Variants in PCDHA6 observed in about 807,000 individuals in gnomAD.
The protein encoded by PCDHA6 is protocadherin alpha-6.
PCDHA6 carries 55 observed loss-of-function variants against 60.3 expected under a neutral mutation model. That is an observed-to-expected ratio of 0.91 (90% CI 0.73 to 1.14). The LOEUF (loss-of-function observed/expected upper bound fraction) is 1.14. Ranked by LOEUF, PCDHA6 falls within the 50% of genes most tolerant of loss-of-function variation. The probability of loss-of-function intolerance (pLI) is 0.00; values close to 1 mark genes in which losing one functional copy is unlikely to be tolerated. For synonymous variants in PCDHA6, 652 were observed against 557.9 expected (o/e 1.17, Z -2.38); for missense variants, 1,327 against 1,256.5 (o/e 1.06, Z -0.85).
intron 1 of PCDHA6, among the ~76,000 whole-genome samples, chr5:140,975,301 C>A (rs943526337): frequency 2.3e-4 from 35 of 152,200 alleles, no homozygotes; most frequent in African/African-American, 8.4e-4. Flanking sequence ...TTAAAGAGCT[C>A]ATGTGATTAT....
chr5:140,875,206 A>G (rs1554167551), intron 1 of PCDHA6: 2 of 644,508 alleles, frequency 3.1e-6, no homozygotes, highest in South Asian at 3.9e-5. Context: ...AAGTGGCTAA[A>G]CCGAAAAGAA....
chr5:140,856,837 C>A, intron 1 of PCDHA6: 1 of 1,591,918 alleles, frequency 6.3e-7, no homozygotes, highest in Non-Finnish European at 8.6e-7. Flanking sequence ...TAATACGGCT[C>A]AACGCTTCTG....
intron 3 of PCDHA6, among the ~76,000 whole-genome samples, chr5:140,996,441 C>G (rs2097726719): frequency 6.6e-6 from 1 of 152,146 alleles, no homozygotes; most frequent in Non-Finnish European, 1.5e-5. Context: ...TAGTCAGTGT[C>G]AAGTTGTGGT....
chr5:140,985,928 C>A (rs1001132600), intron 3 of PCDHA6, among the ~76,000 whole-genome samples: 2 of 151,534 alleles, frequency 1.3e-5, no homozygotes, highest in Non-Finnish European at 2.9e-5. Flanking sequence ...TTTAGTAGAG[C>A]CGGGGTTTCA....
At chr5:140,967,057 A>T (rs1554229122) in intron 1 of PCDHA6, 1 of 1,612,704 alleles carries the variant, frequency 6.2e-7, no homozygotes, top group South Asian at 1.1e-5. Context: ...TGACGAGTGG[A>T]GCGCTCTTCG....
rs2150175309 is a variant in PCDHA6, at chr5:140,829,814, G to GGT, written c.1725_1726dup (p.Ala576ValfsTer3). 1 of 1,613,902 alleles carries GGT rather than the reference G, an allele frequency of 6.2e-7. No homozygotes were observed. The highest frequency in any genetic ancestry group is 2.2e-5 in the East Asian group (1 of 44,872). On this transcript the variant is annotated frameshift_variant, in exon 1 of 4. Coordinates refer to ENST00000529310, the MANE Select transcript of PCDHA6 (RefSeq NM_018909.4). LOFTEE classifies it high-confidence loss of function. Reference sequence around the variant, plus strand: ...GGCGCCTCGGGTGGGTGGTACTGGTGGTGCAGTGAGCGAGCTGGTGCCGCG... The same window carrying GGT: ...GGCGCCTCGGGTGGGTGGTACTGGTGGTGTGCAGTGAGCGAGCTGGTGCCGCG...
intron 1 of PCDHA6, chr5:140,881,444 A>C (rs2058716592): frequency 1.2e-6 from 1 of 800,270 alleles, no homozygotes; most frequent in African/African-American, 1.9e-5. Context: ...ATAAAAACAG[A>C]ATCCAAAACC....
At chr5:140,845,107 C>T (rs1420580197) in intron 1 of PCDHA6, among the ~76,000 whole-genome samples, 2 of 149,448 alleles carry the variant, frequency 1.3e-5, no homozygotes, top group East Asian at 1.9e-4. Flanking sequence ...CTCTTAATGC[C>T]TGTCCATGTT....
chr5:140,956,540 G>A (rs1356910892), intron 1 of PCDHA6, among the ~76,000 whole-genome samples: 1 of 152,186 alleles, frequency 6.6e-6, no homozygotes, highest in Non-Finnish European at 1.5e-5. Context: ...TGTGCTGCTG[G>A]ATTTGGTTTG....
At chr5:140,927,123 C>T (rs2083865957) in intron 1 of PCDHA6, 1 of 1,613,986 alleles carries the variant, frequency 6.2e-7, no homozygotes, top group Non-Finnish European at 8.5e-7. Context: ...ATTTGGTGGT[C>T]AGAGAGCCGG....
Position 140,858,496 on chromosome 5 carries a change from C to T in PCDHA6, c.2394+28011C>T, listed in dbSNP as rs1554151697. 7 of 1,479,962 alleles carry T rather than the reference C, an allele frequency of 4.7e-6. 1 individual carries two copies. 91.7% of individuals were successfully genotyped at this position (1,479,962 alleles called of 1,614,324 possible). ...TTATGAATAATATTTTCTCTTACCG[C>T]ATTTTCTCAAATATGTATCAGAATA... is the stretch of plus-strand genomic sequence containing the variant. On this transcript the variant is annotated intron_variant, in intron 1 of 3. Transcript: ENST00000529310.
At chr5:140,878,371 G>A (rs543191231) in intron 1 of PCDHA6, among the ~76,000 whole-genome samples, 53 of 152,276 alleles carry the variant, frequency 3.5e-4, no homozygotes, top group Non-Finnish European at 6.5e-4. Flanking sequence ...TCTGACATAT[G>A]ATGAATGATT....
intron 1 of PCDHA6, among the ~76,000 whole-genome samples, chr5:140,977,004 A>C (rs1554238156): frequency 6.6e-6 from 1 of 152,222 alleles, no homozygotes; most frequent in East Asian, 1.9e-4. Flanking sequence ...GAAATCTTGT[A>C]ACTGTGATTC....
At chr5:140,851,037 T>C (rs1393971342) in intron 1 of PCDHA6, 4 of 1,398,626 alleles carry the variant, frequency 2.9e-6, no homozygotes, top group Non-Finnish European at 3.8e-6. Flanking sequence ...CCCTTAACAT[T>C]GGAGCCGACT....
chr5:140,884,589 C>T, intron 1 of PCDHA6: 1 of 1,614,146 alleles, frequency 6.2e-7, no homozygotes, highest in Non-Finnish European at 8.5e-7. Flanking sequence ...GCCTTCAGTC[C>T]CAGCCTTCCT....
chr5:140,959,301 G>A (rs139206577), intron 1 of PCDHA6, among the ~76,000 whole-genome samples: 161 of 152,140 alleles, frequency 1.1e-3, no homozygotes, highest in Non-Finnish European at 1.1e-3. Context: ...CACTGAGCCC[G>A]GTGGTTGAAG....
intron 1 of PCDHA6, chr5:140,883,056 A>G (rs1554176597): frequency 6.2e-7 from 1 of 1,614,176 alleles, no homozygotes; most frequent in Admixed American, 1.7e-5. Context: ...TTAGTGATCA[A>G]GCTAAATGCC....
intron 1 of PCDHA6, chr5:140,926,849 C>A: frequency 6.6e-7 from 1 of 1,517,430 alleles, no homozygotes. Flanking sequence ...CCTGGGTCAC[C>A]GTTGGTGTAG....
intron 1 of PCDHA6, among the ~76,000 whole-genome samples, chr5:140,961,059 G>A (rs2095587077): frequency 6.6e-6 from 1 of 152,076 alleles, no homozygotes; most frequent in African/African-American, 2.4e-5. Flanking sequence ...AATGTTGAAT[G>A]GGATATCTGG....
Sources: allele counts gnomAD v4.1 joint callset (sites outside exome capture counted in the v4.1 genomes callset), GRCh38; gene constraint gnomAD v4.1.1; transcripts MANE v1.5; gene names NCBI Gene and HGNC (gene_info 2026-07-23, HGNC 2026-07-21).